Variants in NTM observed in about 807,000 individuals in gnomAD.
NTM encodes the protein neurotrimin.
NTM carries 13 observed loss-of-function variants against 42.1 expected under a neutral mutation model. That is an observed-to-expected ratio of 0.31 (90% CI 0.20 to 0.49). NTM has a LOEUF of 0.49. NTM is among the 20% of genes least tolerant of loss of function. The probability of loss-of-function intolerance (pLI) is 0.99; values close to 1 mark genes in which losing one functional copy is unlikely to be tolerated. For missense variants in NTM, 373 were observed against 452.8 expected (o/e 0.82, Z 1.60); for synonymous variants, 187 against 179.2 (o/e 1.04, Z -0.35).
chr11:131,966,816 G>A (rs371589647), intron 2 of NTM, among the ~76,000 whole-genome samples: 12 of 152,302 alleles, frequency 7.9e-5, no homozygotes, highest in African/African-American at 2.6e-4. Flanking sequence ...AAAATGGGAC[G>A]CTGGCCTCTG....
At chr11:132,175,589 A>G (rs1592022215) in intron 3 of NTM, among the ~76,000 whole-genome samples, 1 of 147,508 alleles carries the variant, frequency 6.8e-6, no homozygotes, top group East Asian at 2.0e-4. Flanking sequence ...AATCCTACCC[A>G]CCCCCCTTTT....
intron 1 of NTM, among the ~76,000 whole-genome samples, chr11:131,486,748 C>A (rs540020725): frequency 2.0e-5 from 3 of 152,206 alleles, no homozygotes; most frequent in Admixed American, 1.3e-4. Context: ...CTTTTCCTTT[C>A]TAACCACATT....
chr11:131,751,011 T>C (rs971773663), intron 1 of NTM, among the ~76,000 whole-genome samples: 1 of 152,166 alleles, frequency 6.6e-6, no homozygotes, highest in Non-Finnish European at 1.5e-5. Flanking sequence ...TTTCTCCATC[T>C]GGAAGAAGCC....
At chr11:131,884,227 T>A (rs946224263) in intron 1 of NTM, among the ~76,000 whole-genome samples, 1 of 151,844 alleles carries the variant, frequency 6.6e-6, no homozygotes, top group African/African-American at 2.4e-5. Context: ...CTGACCAACA[T>A]GGAGAAACCC....
intron 1 of NTM, among the ~76,000 whole-genome samples, chr11:131,526,879 A>G (rs1300761592): frequency 6.6e-6 from 1 of 152,212 alleles, no homozygotes; most frequent in African/African-American, 2.4e-5. Context: ...AAAAATATTT[A>G]TACTTCTCTC....
rs374126099 is a variant in NTM at position 132,185,172 on chromosome 11, T to C, written c.401-26850T>C. ...GGAAGACATTTCACACTGAAACATC[T>C]CTTTCTGTGTCTTGCTTTCTATCAC... On this transcript the variant is annotated intron_variant, in intron 3 of 8. Transcript: ENST00000683400. Among the ~76,000 whole-genome samples the C allele has an allele frequency of 2.0e-4, 30 of 152,288 alleles. 1 individual carries two copies. Among genetic ancestry groups the C allele is most frequent in the African/African-American group, 7.0e-4 (29 of 41,568 alleles).
intron 1 of NTM, among the ~76,000 whole-genome samples, chr11:131,820,065 TTAAC>T (rs1275365264): frequency 6.6e-6 from 1 of 152,216 alleles, no homozygotes; most frequent in East Asian, 1.9e-4. Context: ...ACTTTTCTTA[TTAAC>T]TAACAGAGAA....
chr11:131,374,572 G>C (rs957905634), intron 1 of NTM, among the ~76,000 whole-genome samples: 1 of 152,156 alleles, frequency 6.6e-6, no homozygotes, highest in South Asian at 2.1e-4. Context: ...CAGGCGTCCT[G>C]CGTAGTGTCT....
chr11:132,195,529 A>G (rs573263576), intron 3 of NTM, among the ~76,000 whole-genome samples: 2 of 152,214 alleles, frequency 1.3e-5, no homozygotes, highest in East Asian at 3.9e-4. Context: ...ACAAAGCCAG[A>G]GGCATTATAT....
rs112263720 is a variant in NTM at position 131,404,212 on chromosome 11, G to T, written c.82+33324G>T. Among the ~76,000 whole-genome samples the T allele has an allele frequency of 7.0e-3, 1,058 of 152,008 alleles. 15 individuals carry two copies. Among genetic ancestry groups the T allele is most frequent in the African/African-American group, 0.024 (977 of 41,440 alleles). On this transcript the variant is annotated intron_variant, in intron 1 of 8. Coordinates refer to ENST00000683400, the MANE Select transcript of NTM (RefSeq NM_001352005.2). Reference sequence around the variant, plus strand: ...CACTTCCGCTTTCCAGCCTGGCGTTGGTCCACACCACCCCACTAAAGCTAC... The same window carrying T: ...CACTTCCGCTTTCCAGCCTGGCGTTTGTCCACACCACCCCACTAAAGCTAC...
chr11:131,427,458 C>T (rs1247550791), intron 1 of NTM, among the ~76,000 whole-genome samples: 1 of 151,984 alleles, frequency 6.6e-6, no homozygotes, highest in Non-Finnish European at 1.5e-5. Context: ...AATAAGACCC[C>T]TTGATCTCTA....
rs900371825 is a variant in NTM at position 131,472,285 on chromosome 11, C to T, written c.82+101397C>T. On this transcript the variant is annotated intron_variant, in intron 1 of 8. Coordinates refer to ENST00000683400, the MANE Select transcript of NTM (RefSeq NM_001352005.2). The stretch of plus-strand genomic sequence containing the variant: ...GCCCCCACTCTCTGGAAGGGCTCTC[C>T]GGTACCACTCTTGCCCAGGAAATGA... 1.1e-4 allele frequency among the ~76,000 whole-genome samples: 16 copies of T among 152,274 alleles called. No individual in the cohort carries two copies. In the Middle Eastern group the frequency reaches 0.01, roughly 97 times the overall value.
intron 1 of NTM, among the ~76,000 whole-genome samples, chr11:131,669,610 GGGGCA>G (rs1374958117): frequency 9.2e-5 from 14 of 152,214 alleles, no homozygotes; most frequent in Admixed American, 3.9e-4. Flanking sequence ...TTCAGCGGTG[GGGGCA>G]CCGAGGCTTC....
At chr11:131,503,887 G>A (rs2047151635) in intron 1 of NTM, among the ~76,000 whole-genome samples, 1 of 152,150 alleles carries the variant, frequency 6.6e-6, no homozygotes, top group Non-Finnish European at 1.5e-5. Context: ...TCTATTAGAG[G>A]TGAAGTTAAC....
At chr11:132,205,587 C>T (rs1005383898) in intron 3 of NTM, among the ~76,000 whole-genome samples, 6 of 152,120 alleles carry the variant, frequency 3.9e-5, no homozygotes, top group African/African-American at 1.2e-4. Flanking sequence ...ATACCCTAAC[C>T]ACTCCTTGGT....
At chr11:131,502,477 G>T (rs1010188808) in intron 1 of NTM, among the ~76,000 whole-genome samples, 1 of 152,252 alleles carries the variant, frequency 6.6e-6, no homozygotes, top group Non-Finnish European at 1.5e-5. Context: ...AGGGAGAAGA[G>T]ACCAGAAAAT....
chr11:131,486,172 C>A (rs894360770), intron 1 of NTM, among the ~76,000 whole-genome samples: 3 of 152,066 alleles, frequency 2.0e-5, no homozygotes, highest in Non-Finnish European at 4.4e-5. Flanking sequence ...ATAATAGCAG[C>A]ATTACTGTGG....
chr11:132,295,011 C>G (rs993419482), intron 4 of NTM, among the ~76,000 whole-genome samples: 5 of 151,924 alleles, frequency 3.3e-5, no homozygotes, highest in African/African-American at 1.2e-4. Flanking sequence ...TAATTCCAGG[C>G]CTAGCTTGAT....
intron 1 of NTM, among the ~76,000 whole-genome samples, chr11:131,745,780 T>C (rs150136497): frequency 2.1e-3 from 316 of 152,224 alleles, no homozygotes; most frequent in African/African-American, 7.3e-3. Context: ...TATACAAATA[T>C]GTTAGGATGA....
Sources: allele counts gnomAD v4.1 joint callset (sites outside exome capture counted in the v4.1 genomes callset), GRCh38; gene constraint gnomAD v4.1.1; transcripts MANE v1.5; gene names NCBI Gene and HGNC (gene_info 2026-07-23, HGNC 2026-07-21).